Variants in CSMD1 observed in about 807,000 individuals in gnomAD.
CSMD1 encodes CUB and sushi domain-containing protein 1.
Under a neutral mutation model 417.5 loss-of-function variants are expected in CSMD1, and 213 were observed. The observed-to-expected ratio is 0.51, with a 90% confidence interval of 0.46 to 0.57. The LOEUF (loss-of-function observed/expected upper bound fraction) is 0.57. Ranked by LOEUF, CSMD1 falls within the 20% of genes least tolerant of loss-of-function variation. The probability of loss-of-function intolerance (pLI) is 0.00; values close to 1 mark genes in which losing one functional copy is unlikely to be tolerated. For missense variants in CSMD1, 6,923 were observed against 4,529.7 expected, an observed-to-expected ratio of 1.53 and a Z score of -15.17; for synonymous variants, 2,862 against 1,736.8, an observed-to-expected ratio of 1.65 and a Z score of -16.11.
intron 23 of CSMD1, among the ~76,000 whole-genome samples, chr8:3,314,476 T>G (rs1805598708): frequency 6.6e-6 from 1 of 152,166 alleles, no homozygotes; most frequent in Non-Finnish European, 1.5e-5. Context: ...TGGTTCTGTA[T>G]TTGCTTTATG....
intron 68 of CSMD1, 32 bp from the exon 69 acceptor site, chr8:2,942,636 T>G (rs1442353928): frequency 4.6e-6 from 7 of 1,515,598 alleles, no homozygotes; most frequent in Non-Finnish European, 6.2e-6. Flanking sequence ...AAATTTGTTG[T>G]TACTGTACTC....
intron 16 of CSMD1, among the ~76,000 whole-genome samples, chr8:3,396,691 TGATAGATA>T (rs999217367): frequency 1.3e-5 from 2 of 152,058 alleles, no homozygotes; most frequent in African/African-American, 2.4e-5. Flanking sequence ...GATGATAGAT[TGATAGATA>T]GATAGATAGA....
chr8:4,612,640 C>G (rs377104259), intron 2 of CSMD1, among the ~76,000 whole-genome samples: 1 of 152,162 alleles, frequency 6.6e-6, no homozygotes, highest in Non-Finnish European at 1.5e-5. Context: ...ACTCAGGGGA[C>G]CCATCAGCCT....
chr8:3,710,560 C>G (rs540861841), intron 6 of CSMD1, among the ~76,000 whole-genome samples: 4 of 152,180 alleles, frequency 2.6e-5, no homozygotes, highest in Non-Finnish European at 4.4e-5. Flanking sequence ...TCTTCCCTCA[C>G]TGATGTCACT....
intron 3 of CSMD1, among the ~76,000 whole-genome samples, chr8:4,088,004 T>C (rs1386744803): frequency 2.6e-5 from 4 of 152,086 alleles, no homozygotes; most frequent in Non-Finnish European, 5.9e-5. Flanking sequence ...CGTCTAACTT[T>C]ATTAGAATAT....
chr8:4,461,845 A>T (rs1281112408), intron 2 of CSMD1, among the ~76,000 whole-genome samples: 1 of 148,008 alleles, frequency 6.8e-6, no homozygotes, highest in Non-Finnish European at 1.5e-5. Flanking sequence ...GGTTCCCGCC[A>T]TTCTCCTGCC....
At chr8:4,649,688 GA>G (rs1253384587) in intron 1 of CSMD1, among the ~76,000 whole-genome samples, 1 of 151,904 alleles carries the variant, frequency 6.6e-6, no homozygotes, top group African/African-American at 2.4e-5. Context: ...ACATTAATTG[GA>G]AAAAAAATTA....
chr8:4,519,889 C>G (rs1204750384), intron 2 of CSMD1, among the ~76,000 whole-genome samples: 1 of 149,058 alleles, frequency 6.7e-6, no homozygotes, highest in African/African-American at 2.5e-5. Flanking sequence ...GAAGTGAATT[C>G]CAAACAGTAA....
At chr8:3,442,234 G>C (rs1815032752) in intron 12 of CSMD1, among the ~76,000 whole-genome samples, 2 of 152,106 alleles carry the variant, frequency 1.3e-5, no homozygotes, top group Non-Finnish European at 2.9e-5. Context: ...GTTACAGTAA[G>C]CTAAGGTTAA....
intron 1 of CSMD1, among the ~76,000 whole-genome samples, chr8:4,921,087 A>C (rs560522306): frequency 6.6e-6 from 1 of 151,416 alleles, no homozygotes; most frequent in South Asian, 2.1e-4. Context: ...AAAGAAAGAA[A>C]GAAAAAGAAA....
At chr8:3,183,182 GCCTAATC>G (rs1821529036) in intron 36 of CSMD1, 1 of 117,756 alleles carries the variant, frequency 8.5e-6, no homozygotes, top group African/African-American at 2.9e-5. Context: ...GGTCTCTAAC[GCCTAATC>G]TATCTATCCC....
intron 4 of CSMD1, among the ~76,000 whole-genome samples, chr8:4,001,593 T>G (rs545194658): frequency 6.6e-6 from 1 of 152,296 alleles, no homozygotes; most frequent in South Asian, 2.1e-4. Flanking sequence ...CTGAGCTGGA[T>G]AAACTGCAAT....
rs1373054433 is a variant in CSMD1, at chr8:4,738,915, G to GTGTGTGTGTGTGTGTGTGTA, written c.86-101358_86-101357insTACACACACACACACACACA. Among the ~76,000 whole-genome samples, 936 of 152,110 alleles carry GTGTGTGTGTGTGTGTGTGTA rather than the reference G, an allele frequency of 6.2e-3. 8 individuals carry two copies. The highest frequency in any genetic ancestry group is 0.014 in the Middle Eastern group (4 of 294). ...AAATTCTGTGTGTTTGTGTGTGTGT[G>GTGTGTGTGTGTGTGTGTGTA]TGTGTGTATGTGTTAGAAGGCAATG... On this transcript the variant is annotated intron_variant, in intron 1 of 69. Coordinates refer to ENST00000635120, the MANE Select transcript of CSMD1 (RefSeq NM_033225.6).
chr8:3,203,033 C>G (rs1027215249), intron 31 of CSMD1, among the ~76,000 whole-genome samples: 1 of 152,134 alleles, frequency 6.6e-6, no homozygotes, highest in East Asian at 1.9e-4. Context: ...TTTTATCATA[C>G]TGGAGGCCCA....
intron 7 of CSMD1, among the ~76,000 whole-genome samples, chr8:3,668,176 C>T (rs920864392): frequency 6.6e-6 from 1 of 152,116 alleles, no homozygotes; most frequent in Non-Finnish European, 1.5e-5. Flanking sequence ...GGGCTGACCT[C>T]TGAGATATGT....
At chr8:3,356,067 C>G (rs535957524) in intron 21 of CSMD1, among the ~76,000 whole-genome samples, 1 of 152,172 alleles carries the variant, frequency 6.6e-6, no homozygotes, top group Non-Finnish European at 1.5e-5. Flanking sequence ...GTTCTCAGCT[C>G]AGATGCTCAC....
intron 3 of CSMD1, among the ~76,000 whole-genome samples, chr8:4,191,326 G>A (rs1799018959): frequency 6.6e-6 from 1 of 152,084 alleles, no homozygotes; most frequent in African/African-American, 2.4e-5. Flanking sequence ...AACCCGGGAG[G>A]CAGAGCCTGC....
chr8:3,698,096 T>C (rs918098640), intron 7 of CSMD1, among the ~76,000 whole-genome samples: 3 of 152,230 alleles, frequency 2.0e-5, no homozygotes, highest in Non-Finnish European at 2.9e-5. Context: ...TGATGAATAA[T>C]TGATGAAACA....
intron 7 of CSMD1, among the ~76,000 whole-genome samples, chr8:3,655,196 C>T (rs549956575): frequency 1.3e-5 from 2 of 152,026 alleles, no homozygotes; most frequent in African/African-American, 2.4e-5. Context: ...ATTTTTTGGT[C>T]AAAACCAACT....
Sources: allele counts gnomAD v4.1 joint callset (sites outside exome capture counted in the v4.1 genomes callset), GRCh38; gene constraint gnomAD v4.1.1; transcripts MANE v1.5; gene names NCBI Gene and HGNC (gene_info 2026-07-23, HGNC 2026-07-21).